The following PLEKHH1 variants were observed in gnomAD, a reference collection of about 807,000 sequenced individuals.
PLEKHH1 encodes the protein pleckstrin homology domain-containing family H member 1.
PLEKHH1 carries 104 observed loss-of-function variants against 160.0 expected under a neutral mutation model. That is an observed-to-expected ratio of 0.65 (90% CI 0.55 to 0.76). The LOEUF is 0.76. PLEKHH1 is among the 30% of genes least tolerant of loss of function. The pLI, the probability that PLEKHH1 is intolerant of heterozygous loss-of-function variation, is 0.00. For missense variants in PLEKHH1, 1,427 were observed against 1,724.1 expected, an observed-to-expected ratio of 0.83 and a Z score of 3.05; for synonymous variants, 619 against 678.4, an observed-to-expected ratio of 0.91 and a Z score of 1.36.
At chr14:67,555,943 C>T in intron 3 of PLEKHH1, 56 bp downstream of exon 3, 1 of 1,593,090 alleles carries the variant, frequency 6.3e-7, no homozygotes, top group Non-Finnish European at 8.5e-7. Flanking sequence ...TCGGCCCTTC[C>T]AGGCCCTTCC....
chr14:67,540,159 T>A (rs2033906731), intron 1 of PLEKHH1, among the ~76,000 whole-genome samples: 1 of 152,168 alleles, frequency 6.6e-6, no homozygotes, highest in African/African-American at 2.4e-5. Flanking sequence ...AGAGATCATA[T>A]AAAGAACTCC....
chr14:67,538,056 G>C (rs185969373), intron 1 of PLEKHH1, among the ~76,000 whole-genome samples: 2 of 152,218 alleles, frequency 1.3e-5, no homozygotes, highest in Admixed American at 1.3e-4. Flanking sequence ...GGGGACAGAG[G>C]GACTTATTGT....
At chr14:67,571,592 G>A (rs1756442536) in intron 9 of PLEKHH1, 160 bp from the exon 10 acceptor site, 3 of 633,300 alleles carry the variant, frequency 4.7e-6, no homozygotes, top group Admixed American at 2.5e-5. Context: ...TGACACAGGA[G>A]TGAGGCCAGG....
In PLEKHH1 at chr14:67,572,161, G is replaced by A. The variant is rs1356617799; in HGVS notation, c.1612G>A (p.Glu538Lys). 23 of 1,607,366 alleles carry A rather than the reference G, an allele frequency of 1.4e-5. No homozygotes were observed. The highest frequency in any genetic ancestry group is 1.9e-5 in the Non-Finnish European group (22 of 1,177,254). Residue 538 changes from glutamate to lysine, a missense_variant, in exon 11 of 29, where the codon GAG becomes AAG. Coordinates refer to ENST00000329153, the MANE Select transcript of PLEKHH1 (RefSeq NM_020715.3). The stretch of plus-strand genomic sequence containing the variant: ...CGTCTCCATGTCCTCACTGAGCTCC[G>A]AGGGTGACTACGCCATCCCCCCGGA... Reference protein sequence around the residue: ...RGVSMSSLSSEGDYAIPPDAC... With the variant: ...RGVSMSSLSSKGDYAIPPDAC...
Position 67,583,783 on chromosome 14 carries a change from G to A in PLEKHH1, c.3469G>A (p.Gly1157Arg). The change falls in exon 25 of 29, where the codon GGA becomes AGA. Residue 1157 changes from glycine to arginine, a missense_variant. By Grantham distance (125) the Gly-to-Arg change is moderately radical. Transcript: ENST00000329153. ...DLEKPALPGP[G>R]GTSPAKAQHL... ...GGAGAAGCCTGCCCTGCCAGGCCCT[G>A]GAGGCACATCCCCTGCCAAGGCTCA... 6.2e-7 allele frequency: 1 copy of A among 1,612,520 alleles called. No individual in the cohort carries two copies. Among genetic ancestry groups the A allele is most frequent in the Non-Finnish European group, 8.5e-7 (1 of 1,179,182 alleles).
chr14:67,585,260 T>G (rs74573422), intron 26 of PLEKHH1: 7,614 of 284,888 alleles, frequency 0.027, 293 homozygotes, highest in East Asian at 0.12. Context: ...GCCTCTATTC[T>G]GTAGCACAGA....
intron 2 of PLEKHH1, among the ~76,000 whole-genome samples, chr14:67,542,850 A>G (rs2034027121): frequency 6.6e-6 from 1 of 152,060 alleles, no homozygotes. Context: ...ACAGGCATGC[A>G]CCACCACGCC....
chr14:67,583,813 C>G lies in PLEKHH1; in HGVS notation c.3499C>G (p.Leu1167Val). Reference sequence around the variant, plus strand: ...CACATCCCCTGCCAAGGCTCAGCATCTTCTCCAGCAGGTCCTAGACAGGTT... The same window carrying G: ...CACATCCCCTGCCAAGGCTCAGCATGTTCTCCAGCAGGTCCTAGACAGGTT... ...GGTSPAKAQHLLQQVLDRFHP... is the reference protein window; with the variant it reads ...GGTSPAKAQHVLQQVLDRFHP... Residue 1167 changes from leucine to valine, a missense_variant, in exon 25 of 29, where the codon CTT becomes GTT. Physicochemically the swap from Leu to Val is conservative, Grantham distance 32. This residue lies in a region of PLEKHH1 where 436 missense variants were observed against 607.5 expected (regional missense o/e 0.72). Transcript: ENST00000329153. The G allele has an allele frequency of 6.2e-7, 1 of 1,613,070 alleles. No individual in the cohort carries two copies. Among genetic ancestry groups the G allele is most frequent in the South Asian group, 1.1e-5 (1 of 90,888 alleles).
intron 5 of PLEKHH1, 64 bp from the exon 6 acceptor site, chr14:67,561,890 T>C: frequency 8.6e-7 from 1 of 1,165,700 alleles, no homozygotes; most frequent in Non-Finnish European, 1.2e-6. Context: ...AAAAAAAGAA[T>C]TGAAAAAATA....
chr14:67,564,397 G>A (rs61988251), intron 7 of PLEKHH1, among the ~76,000 whole-genome samples: 11,118 of 152,264 alleles, frequency 0.073, 473 homozygotes, highest in East Asian at 0.13. Context: ...TGGGGACACA[G>A]ATGAAGCATG....
rs752316940 is a variant in PLEKHH1 at position 67,583,897 on chromosome 14, A to G, written c.3569+14A>G. On this transcript the variant is annotated intron_variant, in intron 25 of 28. Transcript: ENST00000329153. Reference sequence around the variant, plus strand: ...TGAACAGCTGAGGTAGGTAGGCTACAAGGTCTTGCAGCAAGTCACTGTGGG... The same window carrying G: ...TGAACAGCTGAGGTAGGTAGGCTACGAGGTCTTGCAGCAAGTCACTGTGGG... 1.3e-5 allele frequency: 21 copies of G among 1,612,970 alleles called. No individual in the cohort carries two copies. The highest frequency in any genetic ancestry group is 1.8e-5 in the Non-Finnish European group (21 of 1,179,074).
rs116547943 is a variant in PLEKHH1, at chr14:67,572,172, C to T, written c.1623C>T (p.Tyr541=). The T allele has an allele frequency of 3.1e-3, 4,925 of 1,607,474 alleles. 46 individuals carry two copies. The highest frequency in any genetic ancestry group is 0.026 in the African/African-American group (1,930 of 74,918). Residue 541 remains tyrosine, a synonymous_variant, in exon 11 of 29, where the codon TAC becomes TAT. Coordinates refer to ENST00000329153, the MANE Select transcript of PLEKHH1 (RefSeq NM_020715.3). ...SMSSLSSEGD[Y]AIPPDACSLD... Reference sequence around the variant, plus strand: ...CCTCACTGAGCTCCGAGGGTGACTACGCCATCCCCCCGGACGCCTGCTCAC... The same window carrying T: ...CCTCACTGAGCTCCGAGGGTGACTATGCCATCCCCCCGGACGCCTGCTCAC...
intron 2 of PLEKHH1, among the ~76,000 whole-genome samples, chr14:67,547,330 C>T (rs1264468005): frequency 6.6e-6 from 1 of 152,190 alleles, no homozygotes; most frequent in Admixed American, 6.6e-5. Context: ...CCATGTTGGT[C>T]AATGTCAGGA....
In PLEKHH1 at chr14:67,579,249, A is replaced by G; in HGVS notation, c.2965A>G (p.Asn989Asp). 1 of 1,604,800 alleles carries G rather than the reference A, an allele frequency of 6.2e-7. No homozygotes were observed. Among genetic ancestry groups the G allele is most frequent in the East Asian group, 2.2e-5 (1 of 44,560 alleles). Residue 989 changes from asparagine (N) to aspartate (D), a missense_variant, in exon 21 of 29, where the codon AAC becomes GAC. Transcript: ENST00000329153. The stretch of plus-strand genomic sequence containing the variant: ...GGAAGTGGTGTCCATCCTGCTGCGT[A>G]ACCCCTTCCACCACTCCTTGCCCTT... ...RMEVVSILLR[N>D]PFHHSLPFSI...
At chr14:67,572,110 C>T in intron 10 of PLEKHH1, 25 bp from the exon 11 acceptor site, 2 of 1,596,838 alleles carry the variant, frequency 1.3e-6, no homozygotes, top group South Asian at 1.1e-5. Flanking sequence ...GGGACCCGGG[C>T]CTTGACTCCT....
chr14:67,585,717 C>T (rs1261069643), intron 27 of PLEKHH1, 63 bp downstream of exon 27: 20 of 1,259,110 alleles, frequency 1.6e-5, no homozygotes, highest in Non-Finnish European at 4.5e-6. Context: ...TTTTCTTCTC[C>T]TCTGTGGACT....
At chr14:67,586,438 G>A (rs1356309660) in intron 28 of PLEKHH1, 1 of 1,311,220 alleles carries the variant, frequency 7.6e-7, no homozygotes, top group South Asian at 1.2e-5. Context: ...CCTCAAGGCA[G>A]GGCAGATTCC....
At chr14:67,561,367 A>G (rs1027164785) in intron 5 of PLEKHH1, among the ~76,000 whole-genome samples, 2 of 152,204 alleles carry the variant, frequency 1.3e-5, no homozygotes, top group African/African-American at 4.8e-5. Context: ...CCTGGCCAAC[A>G]TGGCAAATCT....
chr14:67,587,014 G>C, intron 28 of PLEKHH1, 60 bp from the exon 29 acceptor site: 4 of 1,530,766 alleles, frequency 2.6e-6, no homozygotes, highest in Non-Finnish European at 3.5e-6. Context: ...TAATAAGTAA[G>C]AAAGCCAGGA....
Sources: allele counts gnomAD v4.1 joint callset (sites outside exome capture counted in the v4.1 genomes callset), GRCh38; gene constraint gnomAD v4.1.1; regional missense constraint gnomAD v4.1.1; transcripts MANE v1.5; gene names NCBI Gene and HGNC (gene_info 2026-07-23, HGNC 2026-07-21).